SPMIP4: variants seen among roughly 807,000 people sequenced by gnomAD.
SPMIP4 encodes the protein sperm microtubule inner protein 4.
the SPMIP4 span, among the ~76,000 whole-genome samples, chr7:25,155,646 T>A: frequency 6.6e-6 from 1 of 152,190 alleles, no homozygotes; most frequent in South Asian, 2.1e-4. Context: ...ACCCAGGCCA[T>A]CTGTTTCTTT....
chr7:25,155,093 C>T, the SPMIP4 span: 13 of 1,613,800 alleles, frequency 8.1e-6, no homozygotes, highest in East Asian at 4.5e-5. Context: ...CTTTAATGCC[C>T]GTGTAGAGGT....
At chr7:25,145,387 T>A in the SPMIP4 span, among the ~76,000 whole-genome samples, 1 of 152,138 alleles carries the variant, frequency 6.6e-6, no homozygotes, top group Non-Finnish European at 1.5e-5. Context: ...AAATAAGCAA[T>A]GTGAAATTTT....
At chr7:25,152,278 T>C in the SPMIP4 span, among the ~76,000 whole-genome samples, 3 of 152,236 alleles carry the variant, frequency 2.0e-5, no homozygotes, top group Non-Finnish European at 4.4e-5. Flanking sequence ...CAAAAAGGTA[T>C]TGAAAGGGAA....
chr7:25,168,433 C>T, the SPMIP4 span: 4 of 1,605,040 alleles, frequency 2.5e-6, no homozygotes, highest in South Asian at 1.1e-5. Context: ...AGGAAGCCTA[C>T]ATTGTTGAAG....
At chr7:25,131,126 A>T in the SPMIP4 span, among the ~76,000 whole-genome samples, 1 of 152,196 alleles carries the variant, frequency 6.6e-6, no homozygotes, top group South Asian at 2.1e-4. This position sits in a 1 kb window ranked among gnomAD's most constrained non-coding sequence, Gnocchi z 4.2. Context: ...TTAGATTCTC[A>T]TAGGAACTTG....
chr7:25,168,475 AAG>A, the SPMIP4 span: 3 of 1,567,682 alleles, frequency 1.9e-6, no homozygotes, highest in South Asian at 1.2e-5. Flanking sequence ...CCTGTGAAAA[AAG>A]AGAGACTTCA....
the SPMIP4 span, chr7:25,135,680 T>A: frequency 4.4e-6 from 4 of 901,098 alleles, no homozygotes; most frequent in East Asian, 2.8e-4. Flanking sequence ...CATTGCTTTT[T>A]GTGATTTTGG....
At chr7:25,135,048 C>T in the SPMIP4 span, 1 of 601,700 alleles carries the variant, frequency 1.7e-6, no homozygotes, top group South Asian at 7.3e-5. Context: ...TCACAAAATA[C>T]TTAAAGAAAT....
the SPMIP4 span, among the ~76,000 whole-genome samples, chr7:25,173,639 C>T: frequency 6.6e-6 from 1 of 152,154 alleles, no homozygotes; most frequent in African/African-American, 2.4e-5. This position sits in a 1 kb window ranked among gnomAD's most constrained non-coding sequence, Gnocchi z 4.4. Flanking sequence ...TGTCTGACAA[C>T]GATCAACAGA....
chr7:25,131,632 G>A, the SPMIP4 span, among the ~76,000 whole-genome samples: 1 of 152,222 alleles, frequency 6.6e-6, no homozygotes, highest in Admixed American at 6.5e-5. This position sits in a 1 kb window ranked among gnomAD's most constrained non-coding sequence, Gnocchi z 4.2. Flanking sequence ...CAAAATGGCA[G>A]CAGGCCACTT....
the SPMIP4 span, among the ~76,000 whole-genome samples, chr7:25,175,524 T>C: frequency 6.6e-6 from 1 of 152,174 alleles, no homozygotes; most frequent in Non-Finnish European, 1.5e-5. Flanking sequence ...GTGAGTGCCA[T>C]GATGGCTGCA....
the SPMIP4 span, chr7:25,135,697 T>G: frequency 1.0e-6 from 1 of 956,444 alleles, no homozygotes; most frequent in Non-Finnish European, 1.3e-6. Flanking sequence ...TTGGAAAATT[T>G]CCTTGTATAA....
chr7:25,144,979 G>C, the SPMIP4 span, among the ~76,000 whole-genome samples: 1 of 138,708 alleles, frequency 7.2e-6, no homozygotes, highest in Non-Finnish European at 1.5e-5. Flanking sequence ...TTTTTGAGAT[G>C]GAGTCTTGCT....
chr7:25,150,431 C>T, the SPMIP4 span, among the ~76,000 whole-genome samples: 1 of 152,164 alleles, frequency 6.6e-6, no homozygotes. Flanking sequence ...CGGGAAATGA[C>T]TTACTTTATA....
chr7:25,134,221 T>C, the SPMIP4 span, among the ~76,000 whole-genome samples: 1 of 151,370 alleles, frequency 6.6e-6, no homozygotes, highest in Non-Finnish European at 1.5e-5. Context: ...GATTGTACCA[T>C]TGCATTCCAG....
At chr7:25,143,322 C>A in the SPMIP4 span, among the ~76,000 whole-genome samples, 1 of 152,174 alleles carries the variant, frequency 6.6e-6, no homozygotes, top group African/African-American at 2.4e-5. Flanking sequence ...AAGAGCTATG[C>A]ATGTAAACAT....
chr7:25,161,154 T>C, the SPMIP4 span: 17 of 1,296,632 alleles, frequency 1.3e-5, no homozygotes, highest in Non-Finnish European at 1.8e-5. Context: ...AAAAATGTTA[T>C]TTGATTTTAT....
At chr7:25,173,737 T>C in the SPMIP4 span, among the ~76,000 whole-genome samples, 1 of 152,196 alleles carries the variant, frequency 6.6e-6, no homozygotes, top group Non-Finnish European at 1.5e-5. The surrounding 1 kb of genome is among the most constrained non-coding windows in gnomAD (Gnocchi z 4.4). Flanking sequence ...TTTGTAAAAG[T>C]TACATTCAAA....
chr7:25,168,250 A>G, the SPMIP4 span: 15 of 1,555,364 alleles, frequency 9.6e-6, no homozygotes, highest in Non-Finnish European at 1.2e-5. Context: ...AAAAATGGAT[A>G]ATAAAGACCT....
Sources: allele counts gnomAD v4.1 joint callset (sites outside exome capture counted in the v4.1 genomes callset), GRCh38; gene constraint gnomAD v4.1.1; non-coding constraint Gnocchi (gnomAD v3.1); transcripts MANE v1.5; gene names NCBI Gene and HGNC (gene_info 2026-07-23, HGNC 2026-07-21).